Variants in CACNB2 observed in about 807,000 individuals in gnomAD.
CACNB2 encodes the protein calcium voltage-gated channel auxiliary subunit beta 2.
Under a neutral mutation model 73.3 loss-of-function variants are expected in CACNB2, and 42 were observed. The observed-to-expected ratio is 0.57, with a 90% CI of 0.45 to 0.74. The LOEUF is 0.74. Among genes scored for constraint, CACNB2 ranks in the 30% least tolerant of loss-of-function variants. The pLI, the probability that CACNB2 is intolerant of heterozygous loss-of-function variation, is 0.00. For synonymous variants in CACNB2, 348 were observed against 310.3 expected (o/e 1.12, Z -1.28); for missense variants, 940 against 853.0 (o/e 1.10, Z -1.27).
intron 2 of CACNB2, among the ~76,000 whole-genome samples, chr10:18,393,198 C>CA (rs11409619): frequency 0.7 from 102,863 of 146,874 alleles, 36,102 homozygotes; most frequent in East Asian, 0.97. Flanking sequence ...GACTCCATGT[C>CA]AAAAAAAAAA....
chr10:18,150,864 T>TTTTTTG lies in CACNB2; in HGVS notation c.121-14_121-13insGTTTTT. The TTTTTTG allele has an allele frequency of 9.4e-7, 1 of 1,061,098 alleles. No individual in the cohort carries two copies. The highest frequency in any genetic ancestry group is 2.9e-5 in the East Asian group (1 of 34,856). 65.7% of individuals were successfully genotyped at this position (1,061,098 alleles called of 1,614,324 possible). On this transcript the variant is annotated intron_variant, in intron 1 of 13. Coordinates refer to ENST00000324631, the MANE Select transcript of CACNB2 (RefSeq NM_201596.3). ...TAATAATCTTATTTGTCTTTTTTTT[T>TTTTTTG]TTTTTTTTTTTTTTTTAGTCATATG...
chr10:18,380,931 T>G (rs2042990080), intron 2 of CACNB2, among the ~76,000 whole-genome samples: 1 of 152,052 alleles, frequency 6.6e-6, no homozygotes, highest in African/African-American at 2.4e-5. Flanking sequence ...ACAATCTTGA[T>G]CTTATATTAA....
At chr10:18,446,047 G>C (rs10828704) in intron 3 of CACNB2, among the ~76,000 whole-genome samples, 70,136 of 151,914 alleles carry the variant, frequency 0.46, 17,703 homozygotes, top group Non-Finnish European at 0.58. Flanking sequence ...AAAAAGAAGT[G>C]GTGGGATTGT....
At chr10:18,341,925 T>TC (rs2041248682) in intron 2 of CACNB2, among the ~76,000 whole-genome samples, 1 of 152,228 alleles carries the variant, frequency 6.6e-6, no homozygotes, top group African/African-American at 2.4e-5. Context: ...TACAGAATTT[T>TC]ACTTGCTGAG....
intron 3 of CACNB2, among the ~76,000 whole-genome samples, chr10:18,412,894 CT>C (rs1436680031): frequency 6.6e-6 from 1 of 152,234 alleles, no homozygotes; most frequent in Non-Finnish European, 1.5e-5. Context: ...GCCCAGCAGG[CT>C]GTGGTCTGTG....
intron 2 of CACNB2, among the ~76,000 whole-genome samples, chr10:18,333,426 G>T (rs2132029291): frequency 6.8e-6 from 1 of 147,888 alleles, no homozygotes; most frequent in South Asian, 2.2e-4. Context: ...AGCTCAGTTG[G>T]AAATTTTGTT....
chr10:18,260,475 G>T (rs753746726), intron 2 of CACNB2: 209 of 985,352 alleles, frequency 2.1e-4, no homozygotes, highest in Non-Finnish European at 2.4e-4. Context: ...GTGCGCCGCA[G>T]TGCTTGAGCG....
chr10:18,524,207 G>T (rs959526724), intron 9 of CACNB2, among the ~76,000 whole-genome samples: 3 of 145,580 alleles, frequency 2.1e-5, no homozygotes, highest in Admixed American at 6.9e-5. Context: ...TAAATTCACG[G>T]TTTTTTTTTT....
intron 2 of CACNB2, among the ~76,000 whole-genome samples, chr10:18,204,290 G>T (rs1446924512): frequency 1.3e-5 from 2 of 152,136 alleles, no homozygotes; most frequent in Non-Finnish European, 2.9e-5. Context: ...TTTCATGACT[G>T]ACCTTATAAT....
At chr10:18,508,460 T>G (rs1043249304) in intron 6 of CACNB2, among the ~76,000 whole-genome samples, 15 of 152,156 alleles carry the variant, frequency 9.9e-5, no homozygotes, top group African/African-American at 3.4e-4. Context: ...CTCTTATATA[T>G]CTCAAAGATG....
rs186561646 is a variant in CACNB2, at chr10:18,171,369, G to C, written c.213+20394G>C. Among the ~76,000 whole-genome samples the C allele has an allele frequency of 2.6e-5, 4 of 151,784 alleles. No individual in the cohort carries two copies. In the East Asian group the frequency reaches 7.8e-4, roughly 29 times the overall value. Reference sequence around the variant, plus strand: ...TGCCACCCATAACTGTAACAGTCAGGGGTATTCCTGGGCTGGGGGCAGGAT... The same window carrying C: ...TGCCACCCATAACTGTAACAGTCAGCGGTATTCCTGGGCTGGGGGCAGGAT... On this transcript the variant is annotated intron_variant, in intron 2 of 13. Transcript: ENST00000324631.
intron 6 of CACNB2, among the ~76,000 whole-genome samples, chr10:18,511,244 A>G (rs2050763027): frequency 1.3e-5 from 2 of 152,184 alleles, no homozygotes; most frequent in South Asian, 4.1e-4. Context: ...TTGATAGAAA[A>G]TCATACCTCC....
rs187514896 is a variant in CACNB2 at position 18,310,040 on chromosome 10, C to T, written c.214-91884C>T. On this transcript the variant is annotated intron_variant, in intron 2 of 13. Transcript: ENST00000324631. ...CCAACTAAAAATGATGGCAGTGCTG[C>T]TGTTTCTAAGCTGTGTGTAAATACT... 3.6e-3 allele frequency among the ~76,000 whole-genome samples: 555 copies of T among 152,182 alleles called. 1 individual carries two copies. Among genetic ancestry groups the T allele is most frequent in the African/African-American group, 0.01 (424 of 41,524 alleles).
In CACNB2 at chr10:18,310,672, T is replaced by TG. The variant is rs1346369210; in HGVS notation, c.214-91249dup. On this transcript the variant is annotated intron_variant, in intron 2 of 13. Coordinates refer to ENST00000324631, the MANE Select transcript of CACNB2 (RefSeq NM_201596.3). Reference sequence around the variant, plus strand: ...TTATAAAGAAAAGAAACCCACCCACTGGGTTCGAGCAATTCTCCTGCCTCA... The same window carrying TG: ...TTATAAAGAAAAGAAACCCACCCACTGGGGTTCGAGCAATTCTCCTGCCTCA... Among the ~76,000 whole-genome samples, 12 of 143,190 alleles carry TG rather than the reference T, an allele frequency of 8.4e-5. No individual in the cohort carries two copies. In the East Asian group the frequency reaches 2.5e-3, roughly 30 times the overall value. The allele number at this position is 143,190 out of a possible 152,430, so 93.9% of individuals were successfully genotyped here. A position where few individuals can be genotyped will look rare whatever the true frequency, so the allele number is the denominator to read the frequency against.
chr10:18,164,653 A>G (rs991131098), intron 2 of CACNB2, among the ~76,000 whole-genome samples: 13 of 151,984 alleles, frequency 8.6e-5, no homozygotes, highest in African/African-American at 2.4e-4. Flanking sequence ...GATAAACTGT[A>G]TAATAATGAT....
chr10:18,408,848 GGTTT>G (rs774043097), intron 3 of CACNB2, among the ~76,000 whole-genome samples: 6 of 151,946 alleles, frequency 3.9e-5, no homozygotes, highest in Non-Finnish European at 8.8e-5. Context: ...GTTTTCTTCA[GGTTT>G]GTTTATTATT....
intron 3 of CACNB2, among the ~76,000 whole-genome samples, chr10:18,406,505 C>A (rs1363649570): frequency 6.6e-6 from 1 of 152,138 alleles, no homozygotes; most frequent in East Asian, 1.9e-4. Context: ...GGAGTGCAAA[C>A]CCTTTTGTGA....
intron 2 of CACNB2, among the ~76,000 whole-genome samples, chr10:18,229,719 A>C (rs2036152670): frequency 6.6e-6 from 1 of 152,186 alleles, no homozygotes; most frequent in African/African-American, 2.4e-5. Context: ...TTTTAGCTAT[A>C]GATTCATATA....
intron 9 of CACNB2, among the ~76,000 whole-genome samples, chr10:18,522,931 TGAAAG>T (rs1040676667): frequency 7.5e-5 from 10 of 132,776 alleles, no homozygotes; most frequent in East Asian, 4.1e-4. Context: ...GGCAAAGAAC[TGAAAG>T]GAGAGAGAAT....
Sources: allele counts gnomAD v4.1 joint callset (sites outside exome capture counted in the v4.1 genomes callset), GRCh38; gene constraint gnomAD v4.1.1; transcripts MANE v1.5; gene names NCBI Gene and HGNC (gene_info 2026-07-23, HGNC 2026-07-21).